RIMS2: variants seen among roughly 807,000 people sequenced by gnomAD.
The protein encoded by RIMS2 is regulating synaptic membrane exocytosis 2.
RIMS2 carries 59 observed loss-of-function variants against 174.4 expected under a neutral mutation model. That is an observed-to-expected ratio of 0.34 (90% CI 0.27 to 0.42). The LOEUF is 0.42. Among genes scored for constraint, RIMS2 ranks in the 10% least tolerant of loss-of-function variants. The pLI is 1.00. For missense variants in RIMS2, 1,620 were observed against 1,666.3 expected, an observed-to-expected ratio of 0.97 and a Z score of 0.48; for synonymous variants, 606 against 572.5, an observed-to-expected ratio of 1.06 and a Z score of -0.84.
At chr8:103,801,045 T>G (rs909257529) in intron 3 of RIMS2, among the ~76,000 whole-genome samples, 1 of 152,140 alleles carries the variant, frequency 6.6e-6, no homozygotes, top group African/African-American at 2.4e-5. Flanking sequence ...CAGGCTGGAG[T>G]GCGGTGGCAT....
chr8:103,755,447 T>G (rs1418834452), intron 2 of RIMS2, among the ~76,000 whole-genome samples: 1 of 152,126 alleles, frequency 6.6e-6, no homozygotes, highest in Non-Finnish European at 1.5e-5. Context: ...ATGGTGTTCT[T>G]TATATTTCCT....
chr8:103,611,413 G>C (rs1248656083), intron 1 of RIMS2, among the ~76,000 whole-genome samples: 2 of 152,016 alleles, frequency 1.3e-5, no homozygotes, highest in East Asian at 3.9e-4. Context: ...TGTGTTTTCA[G>C]ATGATTTCTT....
chr8:103,715,045 T>C (rs1018799054), intron 2 of RIMS2, among the ~76,000 whole-genome samples: 1 of 152,160 alleles, frequency 6.6e-6, no homozygotes, highest in Non-Finnish European at 1.5e-5. Context: ...AGCTGATCAA[T>C]TAAATTACAG....
exon 7 of RIMS2, chr8:103,915,592 C>A (rs776198278): frequency 8.5e-6 from 13 of 1,533,060 alleles, no homozygotes; most frequent in Non-Finnish European, 9.0e-6. Context: ...CATCTTAGAC[C>A]AGGTAGGGTT....
chr8:103,969,740 A>G (rs1339777201), intron 15 of RIMS2, among the ~76,000 whole-genome samples: 1 of 151,988 alleles, frequency 6.6e-6, no homozygotes, highest in African/African-American at 2.4e-5. Context: ...GCCTTTTGGT[A>G]TGTAATTTTT....
intron 1 of RIMS2, among the ~76,000 whole-genome samples, chr8:103,578,491 A>G (rs1416383999): frequency 6.6e-6 from 1 of 152,020 alleles, no homozygotes; most frequent in Non-Finnish European, 1.5e-5. Flanking sequence ...AGATAGTAAC[A>G]CTGCACTCCA....
intron 19 of RIMS2, among the ~76,000 whole-genome samples, chr8:104,079,311 G>A (rs1437051538): frequency 2.6e-5 from 4 of 151,910 alleles, no homozygotes; most frequent in African/African-American, 9.7e-5. Context: ...GTACCCTCCT[G>A]TAATTACCTA....
intron 17 of RIMS2, among the ~76,000 whole-genome samples, chr8:104,000,738 T>G (rs1224663707): frequency 6.6e-6 from 1 of 151,898 alleles, no homozygotes; most frequent in African/African-American, 2.4e-5. Flanking sequence ...CAGAATTTTT[T>G]TATAATAGGC....
chr8:104,026,215 T>G (rs943996838), intron 19 of RIMS2, among the ~76,000 whole-genome samples: 2 of 152,212 alleles, frequency 1.3e-5, no homozygotes, highest in African/African-American at 4.8e-5. Context: ...TGCTAATACA[T>G]TTCTACATAT....
rs78506235 is a variant in RIMS2, at chr8:103,554,491, A to G, written c.176+53429A>G. On this transcript the variant is annotated intron_variant, in intron 1 of 23. Coordinates refer to ENST00000504942, the Ensembl canonical transcript of RIMS2. Reference sequence around the variant, plus strand: ...CAAATCAAAACCATGATGAGATACCATCTCACCAGTCAGAATAGCTATTAT... The same window carrying G: ...CAAATCAAAACCATGATGAGATACCGTCTCACCAGTCAGAATAGCTATTAT... Among the ~76,000 whole-genome samples the G allele has an allele frequency of 2.9e-3, 434 of 152,260 alleles. 1 individual carries two copies. The highest frequency in any genetic ancestry group is 0.01 in the Middle Eastern group (3 of 294).
chr8:103,567,476 A>G (rs928117749), intron 1 of RIMS2, among the ~76,000 whole-genome samples: 13 of 152,216 alleles, frequency 8.5e-5, no homozygotes, highest in Admixed American at 7.9e-4. Context: ...TTCAAGGTTT[A>G]TTCATGTCGT....
chr8:104,246,092 A>T (rs967656045), intron 20 of RIMS2, among the ~76,000 whole-genome samples: 4 of 152,234 alleles, frequency 2.6e-5, no homozygotes, highest in Non-Finnish European at 5.9e-5. Context: ...ACTGTTAGGG[A>T]TATAAAAATG....
intron 2 of RIMS2, among the ~76,000 whole-genome samples, chr8:103,754,292 G>C (rs561073986): frequency 4.6e-5 from 7 of 152,306 alleles, no homozygotes; most frequent in Non-Finnish European, 7.3e-5. Flanking sequence ...TGGTCTGAGC[G>C]ACAGTTTGTT....
chr8:103,870,137 T>G (rs74641495), intron 3 of RIMS2, among the ~76,000 whole-genome samples: 1 of 968 alleles, frequency 1.0e-3, no homozygotes, highest in Non-Finnish European at 1.7e-3. Context: ...GGACAGCTGT[T>G]TTTTTTTTTT....
rs192201779 is a variant in RIMS2, at chr8:104,071,585, C to A, written c.3334+56970C>A. On this transcript the variant is annotated intron_variant, in intron 19 of 23. Transcript: ENST00000504942. ...GAGTAGCTGGGACTACAGGCACGCG[C>A]CACCATGCCCAGCCAATTTTTTATA... is the stretch of plus-strand genomic sequence containing the variant. 1.0e-3 allele frequency among the ~76,000 whole-genome samples: 158 copies of A among 152,296 alleles called. 1 individual carries two copies. In the East Asian group the frequency reaches 0.021, roughly 20 times the overall value.
In RIMS2 at chr8:103,548,764, A is replaced by G. The variant is rs548089988; in HGVS notation, c.176+47702A>G. On this transcript the variant is annotated intron_variant, in intron 1 of 23. Coordinates refer to ENST00000504942, the Ensembl canonical transcript of RIMS2. ...GCCAACAATATGATTCTATACCTAG[A>G]AAACACCATAATCTCTATCTAAAAG... is the stretch of plus-strand genomic sequence containing the variant. 2.6e-5 allele frequency among the ~76,000 whole-genome samples: 4 copies of G among 152,278 alleles called. No individual in the cohort carries two copies. In the South Asian group the frequency reaches 8.3e-4, roughly 32 times the overall value.
chr8:103,661,220 C>T (rs1177782692), intron 1 of RIMS2, among the ~76,000 whole-genome samples: 1 of 152,206 alleles, frequency 6.6e-6, no homozygotes, highest in East Asian at 1.9e-4. Flanking sequence ...CATTCATTCT[C>T]AGTGCTGTCT....
At chr8:103,578,895 G>A (rs537718985) in intron 1 of RIMS2, among the ~76,000 whole-genome samples, 6 of 152,130 alleles carry the variant, frequency 3.9e-5, no homozygotes, top group African/African-American at 1.4e-4. Context: ...AGGAAGCTGA[G>A]GCAGGAGAAT....
intron 1 of RIMS2, among the ~76,000 whole-genome samples, chr8:103,519,240 C>T (rs1830475282): frequency 1.3e-5 from 2 of 151,962 alleles, no homozygotes; most frequent in Non-Finnish European, 2.9e-5. Context: ...ATCAGTGTTG[C>T]TTTCATTTTA....
Sources: allele counts gnomAD v4.1 joint callset (sites outside exome capture counted in the v4.1 genomes callset), GRCh38; gene constraint gnomAD v4.1.1; transcripts MANE v1.5; gene names NCBI Gene and HGNC (gene_info 2026-07-23, HGNC 2026-07-21).